Variants in CCDC60 observed in about 807,000 individuals in gnomAD.
CCDC60 encodes coiled-coil domain-containing protein 60.
CCDC60 carries 54 observed loss-of-function variants against 63.5 expected under a neutral mutation model. That is an observed-to-expected ratio of 0.85 (90% CI 0.68 to 1.07). The LOEUF is 1.07. Among genes scored for constraint, CCDC60 ranks in the 50% least tolerant of loss-of-function variants. The pLI is 0.00. For missense variants in CCDC60, 651 were observed against 684.3 expected, an observed-to-expected ratio of 0.95 and a Z score of 0.54; for synonymous variants, 206 against 238.8, an observed-to-expected ratio of 0.86 and a Z score of 1.27.
At chr12:119,437,812 A>T (rs1404808105) in intron 2 of CCDC60, among the ~76,000 whole-genome samples, 5 of 152,202 alleles carry the variant, frequency 3.3e-5, no homozygotes, top group African/African-American at 1.2e-4. Flanking sequence ...ATGGATTTAT[A>T]AGTTGTTCAA....
chr12:119,442,273 C>CTCTT (rs1295871420), intron 2 of CCDC60, among the ~76,000 whole-genome samples: 1 of 152,156 alleles, frequency 6.6e-6, no homozygotes, highest in Non-Finnish European at 1.5e-5. Context: ...TTTCTTTCAA[C>CTCTT]TCTTTAGTAT....
intron 2 of CCDC60, among the ~76,000 whole-genome samples, chr12:119,453,658 C>T (rs1950674085): frequency 6.6e-6 from 1 of 152,186 alleles, no homozygotes; most frequent in African/African-American, 2.4e-5. Flanking sequence ...GAACTAAGTG[C>T]CACTTCCCAG....
chr12:119,389,494 G>T (rs1281607624), intron 1 of CCDC60, among the ~76,000 whole-genome samples: 1 of 152,082 alleles, frequency 6.6e-6, no homozygotes, highest in Non-Finnish European at 1.5e-5. Flanking sequence ...CAGCAGGGTT[G>T]AGCCCCAAGT....
chr12:119,528,456 T>C lies in CCDC60; in HGVS notation c.1230-159T>C, dbSNP rs932967901. ...GGACCTTGGAGAGAGCTGTATCCTC[T>C]TGTGGCAAAAGCCAGAGCCTAAGTT... On this transcript the variant is annotated intron_variant, in intron 11 of 13. Transcript: ENST00000327554. 2.6e-5 allele frequency among the ~76,000 whole-genome samples: 4 copies of C among 152,200 alleles called. No individual in the cohort carries two copies. In the East Asian group the frequency reaches 5.8e-4, roughly 22 times the overall value.
At chr12:119,439,304 A>T (rs1197338463) in intron 2 of CCDC60, among the ~76,000 whole-genome samples, 1 of 152,050 alleles carries the variant, frequency 6.6e-6, no homozygotes, top group African/African-American at 2.4e-5. Flanking sequence ...TGAGAGACAG[A>T]GTGTGTGTGT....
chr12:119,386,213 T>G (rs899424456), intron 1 of CCDC60, among the ~76,000 whole-genome samples: 2 of 152,278 alleles, frequency 1.3e-5, no homozygotes, highest in Admixed American at 1.3e-4. Flanking sequence ...ATGAAGACCA[T>G]TCCTCCCACC....
chr12:119,385,024 T>A (rs1171263749), intron 1 of CCDC60, among the ~76,000 whole-genome samples: 1 of 152,248 alleles, frequency 6.6e-6, no homozygotes, highest in Non-Finnish European at 1.5e-5. Context: ...AGGGTGGCTT[T>A]TTCTAATTTT....
intron 1 of CCDC60, among the ~76,000 whole-genome samples, chr12:119,345,300 G>C (rs1045961373): frequency 6.6e-6 from 1 of 152,138 alleles, no homozygotes; most frequent in South Asian, 2.1e-4. Flanking sequence ...TCAGGATTTC[G>C]AGACCAGCCT....
chr12:119,530,800 G>A (rs1435961112), intron 12 of CCDC60, 74 bp from the exon 13 acceptor site: 13 of 1,276,336 alleles, frequency 1.0e-5, no homozygotes, highest in Middle Eastern at 1.9e-4. Context: ...GAAAGAGAAA[G>A]TGGAGATGGA....
At chr12:119,401,569 G>A (rs988740110) in intron 1 of CCDC60, among the ~76,000 whole-genome samples, 2 of 152,234 alleles carry the variant, frequency 1.3e-5, no homozygotes, top group African/African-American at 4.8e-5. Flanking sequence ...TGGATGTCCA[G>A]ATGTCCAGTT....
chr12:119,341,635 C>G (rs946031511), intron 1 of CCDC60, among the ~76,000 whole-genome samples: 1 of 152,162 alleles, frequency 6.6e-6, no homozygotes, highest in East Asian at 1.9e-4. Flanking sequence ...TACTTGTGCT[C>G]CTCTCCCTTC....
chr12:119,528,710 T>C lies in CCDC60; in HGVS notation c.1325T>C (p.Val442Ala). ...DIAKMRHHISVVKGDAEEIAD... is the reference protein window; with the variant it reads ...DIAKMRHHISAVKGDAEEIAD... ...GCAAAAATGAGACATCACATATCTG[T>C]AGTAAAAGGAGATGCAGAAGAAATT... Residue 442 changes from valine (V) to alanine (A), a missense_variant, in exon 12 of 14, where the codon GTA becomes GCA. Transcript: ENST00000327554. 6.2e-7 allele frequency: 1 copy of C among 1,613,898 alleles called. No homozygotes were observed. Among genetic ancestry groups the C allele is most frequent in the Non-Finnish European group, 8.5e-7 (1 of 1,179,910 alleles).
chr12:119,465,575 T>C (rs936199493), intron 2 of CCDC60, among the ~76,000 whole-genome samples: 2 of 151,966 alleles, frequency 1.3e-5, no homozygotes, highest in African/African-American at 4.8e-5. Flanking sequence ...CTTGATAACA[T>C]GGTGAAACCC....
chr12:119,360,156 C>CA, intron 1 of CCDC60, among the ~76,000 whole-genome samples: 2 of 149,236 alleles, frequency 1.3e-5, no homozygotes, highest in South Asian at 4.3e-4. Context: ...GCTGGCCGGG[C>CA]GGGGGGCTGA....
intron 7 of CCDC60, among the ~76,000 whole-genome samples, chr12:119,511,716 A>C (rs1315004616): frequency 6.6e-6 from 1 of 152,192 alleles, no homozygotes; most frequent in Non-Finnish European, 1.5e-5. Context: ...GTGCTCTAGA[A>C]GGACTGCTTG....
intron 7 of CCDC60, among the ~76,000 whole-genome samples, chr12:119,505,992 T>G (rs1490442264): frequency 6.6e-6 from 1 of 151,654 alleles, no homozygotes; most frequent in Admixed American, 6.6e-5. Flanking sequence ...TCTACTTTTT[T>G]AAACAGCTTT....
intron 1 of CCDC60, among the ~76,000 whole-genome samples, chr12:119,351,038 C>T (rs776142257): frequency 6.6e-6 from 1 of 152,182 alleles, no homozygotes; most frequent in African/African-American, 2.4e-5. Flanking sequence ...TGTCAGAGAC[C>T]AGCCCACCAG....
At chr12:119,345,434 G>A (rs536187211) in intron 1 of CCDC60, among the ~76,000 whole-genome samples, 79 of 152,038 alleles carry the variant, frequency 5.2e-4, no homozygotes, top group Admixed American at 1.7e-3. Context: ...CCCGGGAGGC[G>A]GAGGTTGCAG....
chr12:119,507,605 TATA>T (rs1566050774), intron 7 of CCDC60, among the ~76,000 whole-genome samples: 1,363 of 32,478 alleles, frequency 0.042, 131 homozygotes, highest in African/African-American at 0.087. Flanking sequence ...TATATATATA[TATA>T]TATATATTTT....
Sources: gnomAD v4.1 joint callset for allele counts (sites outside exome capture counted in the v4.1 genomes callset) on GRCh38, gnomAD v4.1.1 for gene constraint, MANE v1.5 for transcripts, NCBI Gene and HGNC (gene_info 2026-07-23, HGNC 2026-07-21) for gene names.